Variants in CD160 observed in about 807,000 individuals in gnomAD.
CD160 encodes CD160 molecule, also known as CD160 antigen.
Under a neutral mutation model 19.2 loss-of-function variants are expected in CD160, and 11 were observed. The ratio of observed to expected loss-of-function variants is 0.57; its 90% CI spans 0.36 to 0.95. CD160 has a LOEUF of 0.95. Among genes scored for constraint, CD160 ranks in the 40% least tolerant of loss-of-function variants. CD160 has a pLI of 0.01. For synonymous variants in CD160, 75 were observed against 81.1 expected (o/e 0.93, Z 0.40); for missense variants, 182 against 213.2 (o/e 0.85, Z 0.91).
chr1:145,732,028 C>T (rs1657315656), intron 4 of CD160, among the ~76,000 whole-genome samples: 2 of 152,204 alleles, frequency 1.3e-5, no homozygotes, highest in South Asian at 4.1e-4. Context: ...GCTCCCCCTG[C>T]TCCATTACTA....
chr1:145,734,989 C>G lies in CD160; in HGVS notation c.401-1008C>G, dbSNP rs1657424036. Among the ~76,000 whole-genome samples, 2 of 152,082 alleles carry G rather than the reference C, an allele frequency of 1.3e-5. 1 individual carries two copies. Among genetic ancestry groups the G allele is most frequent in the South Asian group, 4.2e-4 (2 of 4,814 alleles). ...GAGTGTGGTAGCACGCACCTGTAAT[C>G]CCAGCTACTTGGGAGGCTGAGGCAG... On this transcript the variant is annotated intron_variant, in intron 4 of 5. Coordinates refer to ENST00000369288, the MANE Select transcript of CD160 (RefSeq NM_007053.4).
At chr1:145,729,935 G>T (rs957257754) in intron 3 of CD160, among the ~76,000 whole-genome samples, 1 of 152,152 alleles carries the variant, frequency 6.6e-6, no homozygotes, top group Non-Finnish European at 1.5e-5. Flanking sequence ...TTTCCCTGAT[G>T]CTTCAGACTC....
At chr1:145,738,166 A>G in intron 5 of CD160, 1 of 200,664 alleles carries the variant, frequency 5.0e-6, no homozygotes, top group Non-Finnish European at 1.0e-5. Flanking sequence ...CTGTGCCAAC[A>G]ATTCAGAGCT....
intron 1 of CD160, among the ~76,000 whole-genome samples, chr1:145,722,437 CTG>C (rs1279915288): frequency 6.6e-6 from 1 of 152,170 alleles, no homozygotes; most frequent in African/African-American, 2.4e-5. Context: ...TCCGCCTCTG[CTG>C]TGTTAGTGAT....
In CD160 at chr1:145,738,482, A is replaced by G; in HGVS notation, c.539-4A>G. ...AGGCAGTAATACAAACTTTCTTTCC[A>G]CAGCTTTGTAAGCCTTGTGCCAAAA... is the stretch of plus-strand genomic sequence containing the variant. On this transcript the variant is annotated splice_polypyrimidine_tract_variant and splice_region_variant and intron_variant, in intron 5 of 5. Transcript: ENST00000369288. 2.3e-6 allele frequency: 3 copies of G among 1,324,040 alleles called. No homozygotes were observed. Among genetic ancestry groups the G allele is most frequent in the Non-Finnish European group, 2.9e-6 (3 of 1,025,958 alleles). The allele number at this position is 1,324,040 out of a possible 1,614,324, so 82.0% of individuals were successfully genotyped here.
At chr1:145,736,346 T>G (rs1473829684) in intron 5 of CD160, 12 of 1,434,764 alleles carry the variant, frequency 8.4e-6, no homozygotes, top group Non-Finnish European at 1.1e-5. Flanking sequence ...GACTTTTCAA[T>G]GGGTAGGAGG....
rs369170246 is a variant in CD160 at position 145,735,980 on chromosome 1, A to C, written c.401-17A>C. 6.3e-7 allele frequency: 1 copy of C among 1,583,954 alleles called. No individual in the cohort carries two copies. Among genetic ancestry groups the C allele is most frequent in the Non-Finnish European group, 8.6e-7 (1 of 1,156,684 alleles). On this transcript the variant is annotated splice_polypyrimidine_tract_variant and intron_variant, in intron 4 of 5. Coordinates refer to ENST00000369288, the MANE Select transcript of CD160 (RefSeq NM_007053.4). ...TTCTGAAACCCTCCCCTGATCCATG[A>C]TTCTCTTTTGAACCAGAGACAGGGA...
chr1:145,721,347 GAAATCAGCGCC>G (rs1307294281), intron 1 of CD160, among the ~76,000 whole-genome samples: 1 of 152,164 alleles, frequency 6.6e-6, no homozygotes, highest in Non-Finnish European at 1.5e-5. Context: ...GCCAGAGTGC[GAAATCAGCGCC>G]GCCGGCTCCG....
chr1:145,728,486 G>A, intron 3 of CD160, 86 bp downstream of exon 3: 2 of 789,232 alleles, frequency 2.5e-6, no homozygotes, highest in Middle Eastern at 4.7e-4. Flanking sequence ...TTCTCTAGTG[G>A]GGAAACAAAG....
At chr1:145,736,532 A>G in intron 5 of CD160, 1 of 282,784 alleles carries the variant, frequency 3.5e-6, no homozygotes. Context: ...GCTCCTCAGC[A>G]AAGGCTGATG....
chr1:145,725,337 C>T (rs1266848078), intron 2 of CD160, among the ~76,000 whole-genome samples: 3 of 151,798 alleles, frequency 2.0e-5, no homozygotes, highest in African/African-American at 4.8e-5. Flanking sequence ...CCCAGATACT[C>T]GGCAGGCTGA....
chr1:145,720,280 T>C (rs782250872), intron 1 of CD160, among the ~76,000 whole-genome samples: 3 of 152,352 alleles, frequency 2.0e-5, no homozygotes, highest in Admixed American at 6.5e-5. Flanking sequence ...AACTGTCTTG[T>C]CATAATTTGT....
At chr1:145,725,256 A>G (rs1484038891) in intron 2 of CD160, among the ~76,000 whole-genome samples, 2 of 151,842 alleles carry the variant, frequency 1.3e-5, no homozygotes, top group East Asian at 3.9e-4. Context: ...CGTCTCTACT[A>G]AAAATACAAA....
chr1:145,729,739 ATGG>A (rs1412112089), intron 3 of CD160, among the ~76,000 whole-genome samples: 2 of 152,196 alleles, frequency 1.3e-5, no homozygotes, highest in African/African-American at 4.8e-5. Flanking sequence ...CATCAGAGTC[ATGG>A]TCTTTGGATA....
At chr1:145,734,627 G>T (rs886270844) in intron 4 of CD160, among the ~76,000 whole-genome samples, 11 of 152,300 alleles carry the variant, frequency 7.2e-5, no homozygotes, top group Admixed American at 7.2e-4. Context: ...CACAGTCCTT[G>T]CTCCTTATAA....
intron 1 of CD160, among the ~76,000 whole-genome samples, chr1:145,720,873 G>A (rs1656811785): frequency 6.6e-6 from 1 of 152,210 alleles, no homozygotes; most frequent in Non-Finnish European, 1.5e-5. Context: ...AAGACTCCAG[G>A]ACCGCCTCCG....
chr1:145,730,601 G>A (rs1657248206), intron 3 of CD160, 143 bp from the exon 4 acceptor site: 1 of 650,176 alleles, frequency 1.5e-6, no homozygotes, highest in Non-Finnish European at 2.7e-6. Flanking sequence ...GATAGAGCTG[G>A]AATTTGTATT....
At chr1:145,735,925 T>C (rs2231374) in intron 4 of CD160, 72 bp from the exon 5 acceptor site, 8 of 1,026,670 alleles carry the variant, frequency 7.8e-6, no homozygotes, top group African/African-American at 4.8e-5. Flanking sequence ...AGAGATGTTA[T>C]GAGATGATGC....
chr1:145,735,732 T>C (rs1313353521), intron 4 of CD160, among the ~76,000 whole-genome samples: 1 of 152,238 alleles, frequency 6.6e-6, no homozygotes, highest in African/African-American at 2.4e-5. Context: ...ACTAAGCTGT[T>C]TCAGCTATCT....
Sources: gnomAD v4.1 joint callset for allele counts (sites outside exome capture counted in the v4.1 genomes callset) on GRCh38, gnomAD v4.1.1 for gene constraint, MANE v1.5 for transcripts, NCBI Gene and HGNC (gene_info 2026-07-23, HGNC 2026-07-21) for gene names.